Variants in DZIP3 observed in about 807,000 individuals in gnomAD.
The protein encoded by DZIP3 is DAZ interacting zinc finger protein 3.
A neutral mutation model predicts 162.0 loss-of-function variants in DZIP3; 118 were observed. That is an observed-to-expected ratio of 0.73 (90% CI 0.63 to 0.85). The LOEUF (loss-of-function observed/expected upper bound fraction) is 0.85. DZIP3 is among the 40% of genes least tolerant of loss of function. DZIP3 has a pLI of 0.00. For synonymous variants in DZIP3, 438 were observed against 458.6 expected, an observed-to-expected ratio of 0.96 and a Z score of 0.57; for missense variants, 1,331 against 1,407.0, an observed-to-expected ratio of 0.95 and a Z score of 0.86.
intron 1 of DZIP3, among the ~76,000 whole-genome samples, chr3:108,599,292 T>G (rs1318045358): frequency 6.6e-6 from 1 of 152,222 alleles, no homozygotes. Flanking sequence ...CATCCATAAG[T>G]TCTGGAGTTT....
intron 25 of DZIP3, among the ~76,000 whole-genome samples, chr3:108,677,146 A>AT (rs1218963717): frequency 6.6e-6 from 1 of 152,008 alleles, no homozygotes; most frequent in Non-Finnish European, 1.5e-5. Flanking sequence ...AGCCAGTATA[A>AT]TATTTATAGC....
intron 10 of DZIP3, among the ~76,000 whole-genome samples, chr3:108,635,675 T>A (rs1942116714): frequency 6.8e-6 from 1 of 147,766 alleles, no homozygotes; most frequent in Non-Finnish European, 1.5e-5. Flanking sequence ...TTATATAATA[T>A]ATAACATAAC....
chr3:108,624,545 C>T, intron 6 of DZIP3, 21 bp downstream of exon 6: 1 of 1,381,168 alleles, frequency 7.2e-7, no homozygotes, highest in Non-Finnish European at 1.0e-6. Flanking sequence ...TGTTATTTGC[C>T]CTTTATAAAT....
At chr3:108,590,322 G>A (rs967660952) in intron 1 of DZIP3, among the ~76,000 whole-genome samples, 1 of 152,242 alleles carries the variant, frequency 6.6e-6, no homozygotes, top group South Asian at 2.1e-4. Context: ...TGTAAGAATA[G>A]GGTACATTTC....
At chr3:108,658,069 T>G (rs1434890424) in intron 19 of DZIP3, among the ~76,000 whole-genome samples, 2 of 146,834 alleles carry the variant, frequency 1.4e-5, no homozygotes, top group African/African-American at 4.9e-5. Flanking sequence ...CTGTCAACAT[T>G]AGACAGATCA....
chr3:108,688,546 G>A, intron 29 of DZIP3, 47 bp from the exon 30 acceptor site: 1 of 1,585,124 alleles, frequency 6.3e-7, no homozygotes, highest in Non-Finnish European at 8.6e-7. Flanking sequence ...AGCTCTTACT[G>A]TTTTAGGATA....
intron 25 of DZIP3, among the ~76,000 whole-genome samples, chr3:108,676,527 G>T (rs1421835070): frequency 6.6e-6 from 1 of 151,788 alleles, no homozygotes; most frequent in South Asian, 2.1e-4. Context: ...TTTATTAATT[G>T]ATTTTGTTTT....
chr3:108,622,043 A>AAAG (rs1359374269), intron 5 of DZIP3, among the ~76,000 whole-genome samples: 1 of 152,094 alleles, frequency 6.6e-6, no homozygotes, highest in Non-Finnish European at 1.5e-5. Flanking sequence ...AAAAAAAAAA[A>AAAG]AAATTAAAAT....
At chr3:108,631,255 CCTCTATT>C (rs1024430117) in intron 8 of DZIP3, among the ~76,000 whole-genome samples, 6 of 151,900 alleles carry the variant, frequency 3.9e-5, no homozygotes, top group African/African-American at 7.3e-5. Flanking sequence ...TGGTGCAACT[CCTCTATT>C]CTCTAGCAGC....
rs1407299497 is a variant in DZIP3, at chr3:108,589,826, CT to C, written c.-85del. ...CTACCTGAGAAATGGTCGCTTGCCC[CT>C]AGTCTAGACACGGTGAGGAGCTCTG... On this transcript the variant is annotated 5_prime_UTR_variant, in exon 1 of 33. An upstream open reading frame in the 5' UTR gains an earlier in-frame stop. Coordinates refer to ENST00000361582, the MANE Select transcript of DZIP3 (RefSeq NM_014648.4). 1 of 155,946 alleles carries C rather than the reference CT, an allele frequency of 6.4e-6. No individual in the cohort carries two copies. The highest frequency in any genetic ancestry group is 1.9e-4 in the East Asian group (1 of 5,256). 9.7% of individuals were successfully genotyped at this position (155,946 alleles called of 1,614,324 possible). A position where few individuals can be genotyped will look rare whatever the true frequency, so the allele number is the denominator to read the frequency against.
In DZIP3 at chr3:108,687,909, G is replaced by A; in HGVS notation, c.3150-67G>A. On this transcript the variant is annotated intron_variant, in intron 28 of 32. Transcript: ENST00000361582. ...GCGATAGGATTTTATATCTCCTTTG[G>A]TGGGTACATCCTCAAAGGTACTAAG... 1.9e-6 allele frequency: 3 copies of A among 1,588,536 alleles called. No homozygotes were observed. The South Asian group carries it at 3.3e-5, about 18-fold the overall frequency.
intron 1 of DZIP3, among the ~76,000 whole-genome samples, chr3:108,591,519 G>T (rs572953622): frequency 6.6e-6 from 1 of 152,310 alleles, no homozygotes; most frequent in East Asian, 1.9e-4. Flanking sequence ...TACAAATTTT[G>T]TATTCTCTTC....
chr3:108,690,947 G>C, intron 32 of DZIP3, 44 bp downstream of exon 32: 1 of 1,538,228 alleles, frequency 6.5e-7, no homozygotes, highest in South Asian at 1.1e-5. Flanking sequence ...CTTTTATTAT[G>C]AGCTGCTTGT....
At chr3:108,663,770 A>G (rs1203428040) in intron 21 of DZIP3, among the ~76,000 whole-genome samples, 1 of 152,302 alleles carries the variant, frequency 6.6e-6, no homozygotes, top group East Asian at 1.9e-4. Flanking sequence ...GGCTATAAGC[A>G]GTCCACTTTT....
In DZIP3 at chr3:108,625,893, C is replaced by T. The variant is rs1342472171; in HGVS notation, c.505C>T (p.Gln169Ter). ...NKFLVMKMMI[Q>*]ENEICENFMS... Reference sequence around the variant, plus strand: ...ATTTCTGGTGATGAAGATGATGATCCAAGAAAATGAAATTTGTGAAAACTT... The same window carrying T: ...ATTTCTGGTGATGAAGATGATGATCTAAGAAAATGAAATTTGTGAAAACTT... Residue 169 changes from glutamine (Q) to a stop codon, truncating the protein, a stop_gained, in exon 7 of 33, where the codon CAA becomes TAA. Coordinates refer to ENST00000361582, the MANE Select transcript of DZIP3 (RefSeq NM_014648.4). LOFTEE classifies it high-confidence loss of function. 6.2e-7 allele frequency: 1 copy of T among 1,612,734 alleles called. No individual in the cohort carries two copies. Among genetic ancestry groups the T allele is most frequent in the Non-Finnish European group, 8.5e-7 (1 of 1,179,424 alleles).
At position 108,635,455 on chromosome 3, in the gene DZIP3, TATA is replaced by T. The variant is rs1375179901; in HGVS notation, c.918+487_918+489del. On this transcript the variant is annotated intron_variant, in intron 10 of 32. Coordinates refer to ENST00000361582, the MANE Select transcript of DZIP3 (RefSeq NM_014648.4). ...GGAACTTTTAATATTTACATTTAGT[TATA>T]ATAGTTACATATCATATGTAGTTAT... is the stretch of plus-strand genomic sequence containing the variant. The T allele has an allele frequency of 1.6e-4, 31 of 192,452 alleles. No homozygotes were observed. The South Asian group carries it at 2.8e-3, about 18-fold the overall frequency. 11.9% of individuals were successfully genotyped at this position (192,452 alleles called of 1,614,324 possible). A position where few individuals can be genotyped will look rare whatever the true frequency, so the allele number is the denominator to read the frequency against.
At chr3:108,598,243 T>A (rs1417215418) in intron 1 of DZIP3, among the ~76,000 whole-genome samples, 1 of 152,128 alleles carries the variant, frequency 6.6e-6, no homozygotes, top group East Asian at 1.9e-4. Context: ...AGAATTGCAG[T>A]TGGTAAAATT....
Position 108,593,090 on chromosome 3 carries a change from C to T in DZIP3, c.-73+3251C>T, listed in dbSNP as rs956716156. Among the ~76,000 whole-genome samples the T allele has an allele frequency of 3.9e-5, 6 of 152,264 alleles. No individual in the cohort carries two copies. The East Asian group carries it at 9.6e-4, about 24-fold the overall frequency. ...CTGTTTCATTCTAAAAAATGTCTGC[C>T]AAAAATTATCCAGTTTTCACATTTA... On this transcript the variant is annotated intron_variant, in intron 1 of 32. Transcript: ENST00000361582.
At chr3:108,644,032 C>T in intron 13 of DZIP3, 132 bp from the exon 14 acceptor site, 1 of 1,136,028 alleles carries the variant, frequency 8.8e-7, no homozygotes. Context: ...CTGGCTGTGG[C>T]AAAGCACTGT....
Sources: gnomAD v4.1 joint callset for allele counts (sites outside exome capture counted in the v4.1 genomes callset) on GRCh38, gnomAD v4.1.1 for gene constraint, MANE v1.5 for transcripts, NCBI Gene and HGNC (gene_info 2026-07-23, HGNC 2026-07-21) for gene names.